The following PRR16 variants were observed in gnomAD, a reference collection of about 807,000 sequenced individuals.
PRR16 encodes proline rich 16.
Under a neutral mutation model 18.2 loss-of-function variants are expected in PRR16, and 6 were observed. The ratio of observed to expected loss-of-function variants is 0.33; its 90% CI spans 0.18 to 0.65. The LOEUF is 0.65. PRR16 is among the 30% of genes least tolerant of loss of function. The pLI is 0.74. For missense variants in PRR16, 412 were observed against 376.6 expected, an observed-to-expected ratio of 1.09 and a Z score of -0.78; for synonymous variants, 151 against 147.8, an observed-to-expected ratio of 1.02 and a Z score of -0.16.
chr5:120,643,659 T>C (rs1471863244), intron 1 of PRR16, among the ~76,000 whole-genome samples: 2 of 152,072 alleles, frequency 1.3e-5, no homozygotes, highest in Non-Finnish European at 2.9e-5. Flanking sequence ...CCGTTCCAGA[T>C]AGGACCTCAG....
At chr5:120,560,741 G>A (rs1752549308) in intron 1 of PRR16, among the ~76,000 whole-genome samples, 1 of 150,468 alleles carries the variant, frequency 6.6e-6, no homozygotes, top group Non-Finnish European at 1.5e-5. Flanking sequence ...GCAGAATTCA[G>A]CAATGAAGCT....
At chr5:120,480,523 A>G (rs865983376) in intron 1 of PRR16, among the ~76,000 whole-genome samples, 2 of 152,230 alleles carry the variant, frequency 1.3e-5, no homozygotes, top group Non-Finnish European at 2.9e-5. Context: ...AAGTGAAGTC[A>G]TACTTAGTAT....
chr5:120,604,970 G>A (rs1255917805), intron 1 of PRR16, among the ~76,000 whole-genome samples: 1 of 151,974 alleles, frequency 6.6e-6, no homozygotes, highest in Non-Finnish European at 1.5e-5. Flanking sequence ...TAAGATTTTT[G>A]TTGTTGTTGT....
chr5:120,484,362 T>TATTAC (rs893991633), intron 1 of PRR16, among the ~76,000 whole-genome samples: 8 of 146,080 alleles, frequency 5.5e-5, no homozygotes, highest in African/African-American at 9.9e-5. Flanking sequence ...ATATAAAATA[T>TATTAC]ATAATACATG....
intron 1 of PRR16, among the ~76,000 whole-genome samples, chr5:120,469,759 T>C (rs1465679942): frequency 6.6e-6 from 1 of 152,230 alleles, no homozygotes; most frequent in Non-Finnish European, 1.5e-5. Flanking sequence ...ATTTACCAAA[T>C]GCTAAAATGC....
chr5:120,610,469 C>T (rs1174916976), intron 1 of PRR16, among the ~76,000 whole-genome samples: 1 of 151,914 alleles, frequency 6.6e-6, no homozygotes, highest in Non-Finnish European at 1.5e-5. Flanking sequence ...ACCCATATCT[C>T]AACTTGAGTT....
Position 120,597,965 on chromosome 5 carries a change from G to A in PRR16, c.160-87989G>A, listed in dbSNP as rs77412620. Among the ~76,000 whole-genome samples, 295 of 151,918 alleles carry A rather than the reference G, an allele frequency of 1.9e-3. 7 individuals carry two copies. In the East Asian group the frequency reaches 0.051, roughly 26 times the overall value. ...GTTGCTATAATATGGAGGTCTCCCA[G>A]TAATGAATATGGATTATGAATATGG... On this transcript the variant is annotated intron_variant, in intron 1 of 1. Transcript: ENST00000407149.
At chr5:120,682,828 C>A (rs534338839) in intron 1 of PRR16, among the ~76,000 whole-genome samples, 95 of 152,308 alleles carry the variant, frequency 6.2e-4, no homozygotes, top group African/African-American at 2.3e-3. Context: ...TTCCAAGAAT[C>A]AAATTGGAGA....
intron 1 of PRR16, among the ~76,000 whole-genome samples, chr5:120,637,347 G>A (rs1270795870): frequency 4.7e-5 from 5 of 106,894 alleles, no homozygotes; most frequent in Admixed American, 1.0e-4. Flanking sequence ...AAAAAAACTT[G>A]CACACACATG....
At chr5:120,775,009 T>G in the PRR16 span, among the ~76,000 whole-genome samples, 7 of 152,142 alleles carry the variant, frequency 4.6e-5, no homozygotes, top group Admixed American at 1.3e-4. Context: ...CTTTTAGGCA[T>G]TGTTTTTCCG....
intron 1 of PRR16, among the ~76,000 whole-genome samples, chr5:120,524,517 A>G (rs1751289600): frequency 1.3e-5 from 2 of 152,086 alleles, no homozygotes; most frequent in Non-Finnish European, 2.9e-5. Context: ...AATGATTACC[A>G]TAGGCTGGGA....
intron 1 of PRR16, among the ~76,000 whole-genome samples, chr5:120,671,079 G>A (rs1402061871): frequency 1.3e-5 from 2 of 151,834 alleles, no homozygotes; most frequent in Non-Finnish European, 2.9e-5. Flanking sequence ...TTTCTAGCTT[G>A]CCTGCTTATT....
At chr5:120,763,712 GTCT>G in the PRR16 span, among the ~76,000 whole-genome samples, 218 of 152,060 alleles carry the variant, frequency 1.4e-3, no homozygotes, top group African/African-American at 2.6e-3. Context: ...CTTTGTTCAT[GTCT>G]TCTTCAATTT....
At chr5:120,780,338 A>C in the PRR16 span, among the ~76,000 whole-genome samples, 21 of 152,200 alleles carry the variant, frequency 1.4e-4, no homozygotes, top group African/African-American at 5.1e-4. Flanking sequence ...TAATTCCTGT[A>C]GAAGGAGTAC....
At chr5:120,665,215 G>C (rs1487979583) in intron 1 of PRR16, among the ~76,000 whole-genome samples, 1 of 144,400 alleles carries the variant, frequency 6.9e-6, no homozygotes, top group Non-Finnish European at 1.5e-5. Flanking sequence ...CAGTGATGAT[G>C]AGCATTTTTT....
chr5:120,576,774 C>T (rs924696095), intron 1 of PRR16, among the ~76,000 whole-genome samples: 1 of 152,028 alleles, frequency 6.6e-6, no homozygotes, highest in African/African-American at 2.4e-5. Context: ...ATCAAGCTCT[C>T]CTGGCTTACA....
chr5:120,730,845 A>G, the PRR16 span, among the ~76,000 whole-genome samples: 1 of 152,180 alleles, frequency 6.6e-6, no homozygotes, highest in African/African-American at 2.4e-5. Flanking sequence ...TTCTAGCACT[A>G]CCACATCATC....
downstream of PRR16, among the ~76,000 whole-genome samples, chr5:120,690,570 C>A (rs1251232870): frequency 6.6e-6 from 1 of 152,116 alleles, no homozygotes; most frequent in African/African-American, 2.4e-5. Context: ...AAAGCCATAT[C>A]ACGAAAGTAG....
At chr5:120,692,856 T>C in the PRR16 span, among the ~76,000 whole-genome samples, 1 of 152,184 alleles carries the variant, frequency 6.6e-6, no homozygotes, top group Non-Finnish European at 1.5e-5. Context: ...ATTACAACTT[T>C]TAACAACCAT....
Sources: allele counts gnomAD v4.1 joint callset (sites outside exome capture counted in the v4.1 genomes callset), GRCh38; gene constraint gnomAD v4.1.1; transcripts MANE v1.5; gene names NCBI Gene and HGNC (gene_info 2026-07-23, HGNC 2026-07-21).